Variants in COL24A1 observed in about 807,000 individuals in gnomAD.
COL24A1 encodes collagen alpha-1(XXIV) chain.
COL24A1 carries 224 observed loss-of-function variants against 253.9 expected under a neutral mutation model. The ratio of observed to expected loss-of-function variants is 0.88; its 90% CI spans 0.79 to 0.99. The LOEUF is 0.99. Among genes scored for constraint, COL24A1 ranks in the 50% least tolerant of loss-of-function variants. The pLI is 0.00. For synonymous variants in COL24A1, 685 were observed against 673.7 expected, an observed-to-expected ratio of 1.02 and a Z score of -0.26; for missense variants, 2,131 against 2,068.5, an observed-to-expected ratio of 1.03 and a Z score of -0.59.
intron 24 of COL24A1, among the ~76,000 whole-genome samples, chr1:85,955,905 A>T (rs1020261878): frequency 6.6e-6 from 1 of 152,220 alleles, no homozygotes; most frequent in Admixed American, 6.5e-5. Context: ...GGCAAATAAC[A>T]TTTGACAATA....
intron 47 of COL24A1, among the ~76,000 whole-genome samples, chr1:85,789,229 T>C (rs528584045): frequency 6.6e-6 from 1 of 152,328 alleles, no homozygotes; most frequent in Non-Finnish European, 1.5e-5. Context: ...TCCTCTCTGA[T>C]TTCCTTGAGC....
chr1:86,149,986 A>G (rs1652522545), intron 1 of COL24A1, among the ~76,000 whole-genome samples: 1 of 152,242 alleles, frequency 6.6e-6, no homozygotes, highest in Non-Finnish European at 1.5e-5. Context: ...CTTACAATGC[A>G]TTCAAGACCC....
At chr1:85,805,431 G>A (rs1185206162) in intron 47 of COL24A1, among the ~76,000 whole-genome samples, 1 of 152,072 alleles carries the variant, frequency 6.6e-6, no homozygotes, top group African/African-American at 2.4e-5. Flanking sequence ...AGCCATATTA[G>A]ACTATAACTG....
chr1:86,062,759 C>T (rs1701184339), intron 8 of COL24A1, among the ~76,000 whole-genome samples: 1 of 152,104 alleles, frequency 6.6e-6, no homozygotes, highest in African/African-American at 2.4e-5. Context: ...ACTGATATTA[C>T]ATGTGTTAGA....
chr1:85,983,381 T>C (rs1230860946), intron 20 of COL24A1, among the ~76,000 whole-genome samples: 1 of 151,970 alleles, frequency 6.6e-6, no homozygotes, highest in Non-Finnish European at 1.5e-5. Flanking sequence ...AATACAAATA[T>C]ACACACACAT....
chr1:86,082,133 G>A (rs1045425940), intron 7 of COL24A1, among the ~76,000 whole-genome samples: 4 of 142,496 alleles, frequency 2.8e-5, no homozygotes, highest in African/African-American at 7.9e-5. Flanking sequence ...CATATCTCTC[G>A]AACTCATAAA....
chr1:85,885,379 A>G (rs181719905), intron 32 of COL24A1, among the ~76,000 whole-genome samples: 4,276 of 112,266 alleles, frequency 0.038, 96 homozygotes, highest in East Asian at 0.093. Flanking sequence ...TTTTGTGTGT[A>G]TATATATATA....
intron 7 of COL24A1, among the ~76,000 whole-genome samples, chr1:86,086,471 C>A (rs1411641726): frequency 1.3e-5 from 2 of 152,174 alleles, no homozygotes; most frequent in Non-Finnish European, 2.9e-5. Context: ...ATGTCACCAG[C>A]ATGGATTACA....
intron 2 of COL24A1, among the ~76,000 whole-genome samples, chr1:86,133,552 A>G (rs1649670013): frequency 6.6e-6 from 1 of 152,228 alleles, no homozygotes; most frequent in African/African-American, 2.4e-5. Context: ...GAGAGTTTTT[A>G]GCATGAAGCG....
intron 47 of COL24A1, 88 bp downstream of exon 47, chr1:85,816,700 G>T: frequency 1.8e-6 from 2 of 1,133,768 alleles, no homozygotes; most frequent in Non-Finnish European, 2.7e-6. Context: ...CAATGCCAAA[G>T]CTAAAATAGA....
chr1:86,037,827 T>C (rs992074936), intron 12 of COL24A1, among the ~76,000 whole-genome samples: 3 of 151,994 alleles, frequency 2.0e-5, no homozygotes, highest in African/African-American at 7.2e-5. Context: ...AGAGAATATA[T>C]AATGTCTTAT....
At chr1:86,051,223 G>T (rs1700275309) in intron 10 of COL24A1, among the ~76,000 whole-genome samples, 1 of 151,994 alleles carries the variant, frequency 6.6e-6, no homozygotes, top group African/African-American at 2.4e-5. Context: ...AAGATTTGGG[G>T]TTTATAAAGA....
At chr1:85,870,702 G>A (rs1175883810) in intron 35 of COL24A1, among the ~76,000 whole-genome samples, 2 of 152,168 alleles carry the variant, frequency 1.3e-5, no homozygotes, top group African/African-American at 2.4e-5. Flanking sequence ...AAAGCAGTAT[G>A]TAGAGGGAAA....
intron 47 of COL24A1, among the ~76,000 whole-genome samples, chr1:85,794,204 T>G (rs535707693): frequency 6.6e-6 from 1 of 152,290 alleles, no homozygotes; most frequent in Admixed American, 6.5e-5. Flanking sequence ...TAGAACTGAT[T>G]ATCCTAGATG....
intron 14 of COL24A1, among the ~76,000 whole-genome samples, chr1:86,025,877 C>T (rs1355826278): frequency 1.3e-5 from 2 of 152,144 alleles, no homozygotes; most frequent in African/African-American, 4.8e-5. Flanking sequence ...TTTCACCCCA[C>T]CCCATTCATA....
intron 3 of COL24A1, among the ~76,000 whole-genome samples, chr1:86,121,187 T>G (rs532632265): frequency 4.6e-4 from 70 of 152,262 alleles, no homozygotes; most frequent in African/African-American, 1.7e-3. Context: ...AAATACCTAA[T>G]GTAAATGACG....
At chr1:85,870,797 CA>C (rs1680375347) in intron 35 of COL24A1, among the ~76,000 whole-genome samples, 1 of 152,040 alleles carries the variant, frequency 6.6e-6, no homozygotes, top group African/African-American at 2.4e-5. Flanking sequence ...ACTAGAAAAG[CA>C]AGAGCAAACA....
At position 85,802,824 on chromosome 1, in the gene COL24A1, G is replaced by A. The variant is rs149176188; in HGVS notation, c.3951+13964C>T. 2.1e-3 allele frequency among the ~76,000 whole-genome samples: 327 copies of A among 152,180 alleles called. 1 individual carries two copies. Among genetic ancestry groups the A allele is most frequent in the Non-Finnish European group, 3.7e-3 (255 of 68,020 alleles). On this transcript the variant is annotated intron_variant, in intron 47 of 59. Coordinates refer to ENST00000370571, the MANE Select transcript of COL24A1 (RefSeq NM_152890.7). ...GAAATCTCTACAATTTTATACAAGTGGAACCAAACAGCATGTATCTTTTTG... is the reference window on the plus strand; with the variant it reads ...GAAATCTCTACAATTTTATACAAGTAGAACCAAACAGCATGTATCTTTTTG...
chr1:85,745,196 A>C (rs938367127), intron 56 of COL24A1, among the ~76,000 whole-genome samples: 1 of 152,088 alleles, frequency 6.6e-6, no homozygotes, highest in African/African-American at 2.4e-5. Flanking sequence ...GATAGTACCA[A>C]ATTCCTTACA....
Sources: allele counts gnomAD v4.1 joint callset (sites outside exome capture counted in the v4.1 genomes callset), GRCh38; gene constraint gnomAD v4.1.1; transcripts MANE v1.5; gene names NCBI Gene and HGNC (gene_info 2026-07-23, HGNC 2026-07-21).